The following MALRD1 variants were observed in gnomAD, a reference collection of about 807,000 sequenced individuals.
The protein encoded by MALRD1 is MAM and LDL receptor class A domain containing 1.
A neutral mutation model predicts 242.1 loss-of-function variants in MALRD1; 247 were observed. The observed-to-expected ratio is 1.02, with a 90% CI of 0.92 to 1.13. MALRD1 has a LOEUF of 1.13. Among genes scored for constraint, MALRD1 ranks in the 50% most tolerant of loss-of-function variants. The pLI, the probability that MALRD1 is intolerant of heterozygous loss-of-function variation, is 0.00. For missense variants in MALRD1, 2,989 were observed against 2,533.1 expected, an observed-to-expected ratio of 1.18 and a Z score of -3.86; for synonymous variants, 995 against 866.6, an observed-to-expected ratio of 1.15 and a Z score of -2.60.
At chr10:19,519,875 T>C (rs1220556744) in intron 31 of MALRD1, among the ~76,000 whole-genome samples, 1 of 152,238 alleles carries the variant, frequency 6.6e-6, no homozygotes, top group Non-Finnish European at 1.5e-5. Flanking sequence ...TCTACTTTCA[T>C]ACAAAGCAAA....
At chr10:19,115,118 C>T (rs1189917645) in intron 5 of MALRD1, among the ~76,000 whole-genome samples, 1 of 152,176 alleles carries the variant, frequency 6.6e-6, no homozygotes, top group Non-Finnish European at 1.5e-5. Flanking sequence ...CTAGAAACAG[C>T]TTCTATGTTC....
At chr10:19,638,976 G>T (rs935881921) in intron 36 of MALRD1, among the ~76,000 whole-genome samples, 2 of 151,848 alleles carry the variant, frequency 1.3e-5, no homozygotes, top group East Asian at 3.9e-4. Context: ...TTTATCTCGG[G>T]GTTGTTTGGG....
At chr10:19,140,526 G>GGGGGGT (rs1554796538) in intron 10 of MALRD1, among the ~76,000 whole-genome samples, 11 of 111,504 alleles carry the variant, frequency 9.9e-5, no homozygotes, top group Non-Finnish European at 2.2e-4. Context: ...AAACAAGTGG[G>GGGGGGT]GTGTGTGTGT....
chr10:19,436,346 A>G (rs907318634), intron 28 of MALRD1, among the ~76,000 whole-genome samples: 4 of 152,198 alleles, frequency 2.6e-5, no homozygotes, highest in Admixed American at 1.3e-4. Flanking sequence ...TGATCTAAAT[A>G]CAATTTTATA....
At chr10:19,280,011 C>A (rs772681318) in intron 19 of MALRD1, 36 bp from the exon 20 acceptor site, 1 of 1,418,392 alleles carries the variant, frequency 7.1e-7, no homozygotes, top group South Asian at 1.6e-5. Context: ...ACCAGAAAAC[C>A]TGCTAAATGA....
chr10:19,238,579 A>G (rs528083591), intron 18 of MALRD1, among the ~76,000 whole-genome samples: 74 of 126,256 alleles, frequency 5.9e-4, no homozygotes, highest in Non-Finnish European at 1.0e-3. Flanking sequence ...TACATAATGT[A>G]TATTATATAT....
intron 21 of MALRD1, chr10:19,290,185 G>A (rs1841340022): frequency 6.6e-6 from 1 of 152,060 alleles, no homozygotes; most frequent in African/African-American, 2.4e-5. Context: ...ACAATTTAAT[G>A]GACTATCCTT....
chr10:19,079,742 TC>T (rs1835424795), intron 2 of MALRD1, among the ~76,000 whole-genome samples: 2 of 151,964 alleles, frequency 1.3e-5, no homozygotes. Flanking sequence ...CTGCTTTGTC[TC>T]CAATAAGAAT....
chr10:19,298,797 G>T (rs112433736), intron 21 of MALRD1, among the ~76,000 whole-genome samples: 2 of 151,884 alleles, frequency 1.3e-5, no homozygotes, highest in East Asian at 3.9e-4. Context: ...ACTTTAATCA[G>T]TTCACTCCAT....
At chr10:19,597,664 C>A (rs1182867246) in intron 34 of MALRD1, among the ~76,000 whole-genome samples, 5 of 152,158 alleles carry the variant, frequency 3.3e-5, no homozygotes, top group Non-Finnish European at 5.9e-5. Flanking sequence ...ATGGATATGA[C>A]ACTGTCAGAG....
chr10:19,288,163 A>G (rs1455109875), intron 21 of MALRD1, among the ~76,000 whole-genome samples: 1 of 151,776 alleles, frequency 6.6e-6, no homozygotes, highest in Non-Finnish European at 1.5e-5. Context: ...TGAAACCTCT[A>G]GTTTTAATTT....
In MALRD1 at chr10:19,194,640, G is replaced by A. The variant is rs79203045; in HGVS notation, c.1952-9088G>A. ...GCCCACCACTTTTTCCTTGTCTGCT[G>A]TGTCTTCCCCATGAGCCTAAATAAA... On this transcript the variant is annotated intron_variant, in intron 14 of 39. Transcript: ENST00000454679. Among the ~76,000 whole-genome samples, 2,330 of 152,130 alleles carry A rather than the reference G, an allele frequency of 0.015. 100 individuals carry two copies. In the East Asian group the frequency reaches 0.18, roughly 12 times the overall value.
At chr10:19,115,470 C>T (rs1836839790) in intron 5 of MALRD1, among the ~76,000 whole-genome samples, 1 of 151,588 alleles carries the variant, frequency 6.6e-6, no homozygotes, top group East Asian at 1.9e-4. Flanking sequence ...GAGCTGAATA[C>T]TGGAAAATAG....
chr10:19,211,346 GC>G (rs1473193840), intron 18 of MALRD1, among the ~76,000 whole-genome samples: 1 of 151,866 alleles, frequency 6.6e-6, no homozygotes, highest in African/African-American at 2.4e-5. Flanking sequence ...TAAGATTCAG[GC>G]CCGAAAAGAT....
chr10:19,571,967 G>A (rs965312574), intron 33 of MALRD1, among the ~76,000 whole-genome samples: 8 of 152,060 alleles, frequency 5.3e-5, no homozygotes, highest in Non-Finnish European at 1.0e-4. Flanking sequence ...TTTCAACCTC[G>A]TATTAGGTGT....
At chr10:19,266,055 G>T (rs2484089) in intron 19 of MALRD1, among the ~76,000 whole-genome samples, 55,996 of 151,548 alleles carry the variant, frequency 0.37, 11,514 homozygotes, top group South Asian at 0.66. Flanking sequence ...GTTTGCATTT[G>T]CATGGAATGT....
chr10:19,163,233 G>A (rs1000277470), intron 12 of MALRD1, among the ~76,000 whole-genome samples: 7 of 145,472 alleles, frequency 4.8e-5, no homozygotes, highest in African/African-American at 1.5e-4. Flanking sequence ...ATTTACAATA[G>A]CAAGGATATG....
intron 38 of MALRD1, among the ~76,000 whole-genome samples, chr10:19,695,515 CTTTCTT>C (rs1833336508): frequency 9.4e-6 from 1 of 106,302 alleles, no homozygotes; most frequent in Non-Finnish European, 1.7e-5. Flanking sequence ...GCATGTTTTT[CTTTCTT>C]TTTTTTTTTT....
intron 18 of MALRD1, among the ~76,000 whole-genome samples, chr10:19,231,700 T>C (rs996809762): frequency 6.6e-6 from 1 of 152,180 alleles, no homozygotes; most frequent in African/African-American, 2.4e-5. Context: ...TCCCCAGCCA[T>C]GTGGAACTGT....
Sources: allele counts gnomAD v4.1 joint callset (sites outside exome capture counted in the v4.1 genomes callset), GRCh38; gene constraint gnomAD v4.1.1; transcripts MANE v1.5; gene names NCBI Gene and HGNC (gene_info 2026-07-23, HGNC 2026-07-21).